Variants in PRSS3 observed in about 807,000 individuals in gnomAD.
PRSS3 encodes serine protease 3.
PRSS3 carries 14 observed loss-of-function variants against 20.8 expected under a neutral mutation model. That is an observed-to-expected ratio of 0.67 (90% CI 0.44 to 1.05). The LOEUF (loss-of-function observed/expected upper bound fraction) is 1.05, where lower values mean the gene tolerates loss of function less well. Ranked by LOEUF, PRSS3 falls within the 50% of genes least tolerant of loss-of-function variation. PRSS3 has a pLI of 0.00. For missense variants in PRSS3, 237 were observed against 306.4 expected, an observed-to-expected ratio of 0.77 and a Z score of 1.69; for synonymous variants, 91 against 117.6, an observed-to-expected ratio of 0.77 and a Z score of 1.46.
At chr9:33,791,037 G>A (rs762381353), upstream of PRSS3, among the ~76,000 whole-genome samples, 1 of 152,092 alleles carries the variant, frequency 6.6e-6, no homozygotes, top group African/African-American at 2.4e-5. Flanking sequence ...TTTTAGTTGC[G>A]GGGAGGATAG....
intron 1 of PRSS3, among the ~76,000 whole-genome samples, chr9:33,787,044 T>C (rs1563965076): frequency 1.3e-5 from 2 of 152,270 alleles, no homozygotes; most frequent in East Asian, 3.9e-4. Context: ...GCTGCAGTGT[T>C]CTATCCACAG....
In PRSS3 at chr9:33,750,884, A is replaced by T; in HGVS notation, c.-53+157A>T. 7.4e-7 allele frequency: 1 copy of T among 1,354,502 alleles called. No individual in the cohort carries two copies. The highest frequency in any genetic ancestry group is 9.5e-7 in the Non-Finnish European group (1 of 1,058,148). The allele number at this position is 1,354,502 out of a possible 1,614,324, so 83.9% of individuals were successfully genotyped here. A position where few individuals can be genotyped will look rare whatever the true frequency, so the allele number is the denominator to read the frequency against. On this transcript the variant is annotated intron_variant, in intron 1 of 5. Coordinates refer to the PRSS3 transcript ENST00000342836. This position sits in a 1 kb window ranked among gnomAD's most constrained non-coding sequence, Gnocchi z 4.8. ...GGACAGGGAGGGGATACCGACTGGG[A>T]GGGGCTCAGGGACAGGGATGGAGGC... is the stretch of plus-strand genomic sequence containing the variant.
intron 1 of PRSS3, among the ~76,000 whole-genome samples, chr9:33,763,426 G>A (rs1264162293): frequency 6.6e-6 from 1 of 152,192 alleles, no homozygotes; most frequent in East Asian, 1.9e-4. Context: ...GAGGCCGGGC[G>A]TGGTGGCTCA....
chr9:33,776,057 G>T (rs900906309), intron 1 of PRSS3, among the ~76,000 whole-genome samples: 4 of 152,164 alleles, frequency 2.6e-5, no homozygotes, highest in Non-Finnish European at 5.9e-5. Flanking sequence ...TGATTTAAAT[G>T]ACTTGACAAA....
intron 1 of PRSS3, among the ~76,000 whole-genome samples, chr9:33,763,466 G>A (rs1197668422): frequency 8.5e-5 from 13 of 152,140 alleles, no homozygotes; most frequent in Admixed American, 2.0e-4. Context: ...TTGGGAGGCC[G>A]AGGCAGGCGG....
intron 1 of PRSS3, among the ~76,000 whole-genome samples, chr9:33,757,469 T>G (rs1563955791): frequency 8.0e-6 from 1 of 124,494 alleles, no homozygotes; most frequent in Non-Finnish European, 1.7e-5. Context: ...TTGGAGCAGA[T>G]TCATCTTTTT....
chr9:33,766,626 T>C (rs1402076921), intron 1 of PRSS3, among the ~76,000 whole-genome samples: 10 of 152,128 alleles, frequency 6.6e-5, no homozygotes, highest in Admixed American at 4.6e-4. Context: ...TGATACATGC[T>C]ATACCATGAA....
chr9:33,795,687 C>A (rs1484432760), intron 1 of PRSS3, 74 bp downstream of exon 1: 1 of 1,544,764 alleles, frequency 6.5e-7, no homozygotes, highest in African/African-American at 1.4e-5. Flanking sequence ...ATTCTTGCCA[C>A]CTCTCCTCTT....
intron 1 of PRSS3, among the ~76,000 whole-genome samples, chr9:33,784,834 T>G (rs2119016743): frequency 6.6e-6 from 1 of 152,284 alleles, no homozygotes; most frequent in Non-Finnish European, 1.5e-5. Context: ...CAGACAATAC[T>G]TGATAGTGTT....
At chr9:33,756,406 G>A (rs1443506093) in intron 1 of PRSS3, among the ~76,000 whole-genome samples, 1 of 152,016 alleles carries the variant, frequency 6.6e-6, no homozygotes, top group East Asian at 1.9e-4. Context: ...ATACAGGGAG[G>A]TATCAGTCAC....
At chr9:33,764,045 G>C (rs1400032648) in intron 1 of PRSS3, among the ~76,000 whole-genome samples, 1 of 152,152 alleles carries the variant, frequency 6.6e-6, no homozygotes, top group Non-Finnish European at 1.5e-5. Context: ...TTCACAGTTT[G>C]AGCTGGCTAT....
chr9:33,766,293 G>A (rs1011095908), intron 1 of PRSS3, among the ~76,000 whole-genome samples: 1 of 137,514 alleles, frequency 7.3e-6, no homozygotes, highest in African/African-American at 2.7e-5. Context: ...AAAAAAAGGA[G>A]CCGGGGGCGG....
At chr9:33,758,892 T>A (rs1215722881) in intron 1 of PRSS3, among the ~76,000 whole-genome samples, 1 of 152,216 alleles carries the variant, frequency 6.6e-6, no homozygotes, top group Non-Finnish European at 1.5e-5. Flanking sequence ...ATGATGGAGA[T>A]GATAAGGTCT....
intron 1 of PRSS3, chr9:33,786,052 C>T: frequency 3.7e-6 from 1 of 268,994 alleles, no homozygotes; most frequent in Non-Finnish European, 7.0e-6. Context: ...GAGTGAAGAG[C>T]CACACAGTTC....
chr9:33,750,716 C>T lies in PRSS3; in HGVS notation c.-64C>T, dbSNP rs1165385188. On this transcript the variant is annotated 5_prime_UTR_variant, in exon 1 of 6. Transcript: ENST00000342836. This position sits in a 1 kb window ranked among gnomAD's most constrained non-coding sequence, Gnocchi z 4.8. ...GCGCGGGATGCAGACGGCTGCGAGG[C>T]GCTGGGCACAGGTCAGACGTCAGTA... The T allele has an allele frequency of 6.9e-6, 10 of 1,444,310 alleles. No homozygotes were observed. In the South Asian group the frequency reaches 1.0e-4, roughly 15 times the overall value. 89.5% of individuals were successfully genotyped at this position (1,444,310 alleles called of 1,614,324 possible).
chr9:33,757,335 G>A (rs898862672), intron 1 of PRSS3, among the ~76,000 whole-genome samples: 7 of 152,168 alleles, frequency 4.6e-5, no homozygotes, highest in Admixed American at 3.3e-4. Flanking sequence ...GCAAAATATC[G>A]ATTATATTGG....
At chr9:33,767,729 G>A (rs1467518927) in intron 1 of PRSS3, among the ~76,000 whole-genome samples, 2 of 152,120 alleles carry the variant, frequency 1.3e-5, no homozygotes, top group Non-Finnish European at 2.9e-5. Flanking sequence ...GGAGGCTGAG[G>A]CAGGAGAATC....
Position 33,787,711 on chromosome 9 carries a change from T to A in PRSS3, c.-52-7035T>A, listed in dbSNP as rs1222976401. ...CTGAAGAGCCTATGGTAGATACAGA[T>A]GCTCTGTGGAGCTCCTGACATTCCC... On this transcript the variant is annotated intron_variant, in intron 1 of 5. Transcript: ENST00000342836. 2.0e-5 allele frequency among the ~76,000 whole-genome samples: 3 copies of A among 152,310 alleles called. No individual in the cohort carries two copies. In the East Asian group the frequency reaches 5.8e-4, roughly 29 times the overall value.
chr9:33,763,395 T>C (rs1285416636), intron 1 of PRSS3, among the ~76,000 whole-genome samples: 2 of 152,156 alleles, frequency 1.3e-5, no homozygotes, highest in African/African-American at 4.8e-5. Context: ...TTACATGTGG[T>C]TTTGCTTGCT....
Sources: allele counts gnomAD v4.1 joint callset (sites outside exome capture counted in the v4.1 genomes callset), GRCh38; gene constraint gnomAD v4.1.1; non-coding constraint Gnocchi (gnomAD v3.1); transcripts MANE v1.5; gene names NCBI Gene and HGNC (gene_info 2026-07-23, HGNC 2026-07-21).